HDAC8: variants seen among roughly 807,000 people sequenced by gnomAD.
HDAC8 encodes the protein histone deacetylase 8.
A neutral mutation model predicts 32.2 loss-of-function variants in HDAC8; 1 was observed. The ratio of observed to expected loss-of-function variants is 0.03; its 90% CI spans 0.01 to 0.15. HDAC8 has a LOEUF of 0.15. Ranked by LOEUF, HDAC8 falls within the 10% of genes least tolerant of loss-of-function variation. The pLI, the probability that HDAC8 is intolerant of heterozygous loss-of-function variation, is 1.00. For synonymous variants in HDAC8, 108 were observed against 113.9 expected, an observed-to-expected ratio of 0.95 and a Z score of 0.33; for missense variants, 117 against 300.0, an observed-to-expected ratio of 0.39 and a Z score of 4.51.
At chrX:72,461,037 TAGTTTA>T (rs1203705863) in intron 9 of HDAC8, among the ~76,000 whole-genome samples, 7 of 112,055 alleles carry the variant, frequency 6.2e-5, no homozygotes, top group Non-Finnish European at 1.3e-4. Flanking sequence ...GGAAGGAAAT[TAGTTTA>T]AGTTGTTTCT....
intron 4 of HDAC8, among the ~76,000 whole-genome samples, chrX:72,563,071 A>G (rs782154721): frequency 4.3e-4 from 47 of 109,217 alleles, no homozygotes; most frequent in African/African-American, 1.5e-3. Context: ...TAGTAGAGGC[A>G]AGGTTTCACC....
chrX:72,394,759 C>T (rs1245341654), intron 9 of HDAC8, among the ~76,000 whole-genome samples: 1 of 112,303 alleles, frequency 8.9e-6, no homozygotes, highest in Non-Finnish European at 1.9e-5. Flanking sequence ...TAGCAGTTTG[C>T]TCATGCTTTC....
chrX:72,458,347 T>C (rs1271786707), intron 9 of HDAC8, among the ~76,000 whole-genome samples: 1 of 112,671 alleles, frequency 8.9e-6, no homozygotes, highest in Non-Finnish European at 1.9e-5. Context: ...ACCGGTTTTA[T>C]ATTTTATGAG....
At chrX:72,481,175 C>T (rs1476361067) in intron 7 of HDAC8, among the ~76,000 whole-genome samples, 3 of 110,961 alleles carry the variant, frequency 2.7e-5, no homozygotes, top group East Asian at 2.8e-4. Flanking sequence ...CTTCACATGG[C>T]GGCAGGAGGA....
chrX:72,388,156 G>C (rs986986563), intron 9 of HDAC8, among the ~76,000 whole-genome samples: 2 of 110,876 alleles, frequency 1.8e-5, no homozygotes, highest in South Asian at 7.8e-4. Flanking sequence ...AATCTAGAAC[G>C]ATCTTGTGTT....
At chrX:72,375,055 C>T (rs1410913356) in intron 9 of HDAC8, among the ~76,000 whole-genome samples, 1 of 111,565 alleles carries the variant, frequency 9.0e-6, no homozygotes, top group Non-Finnish European at 1.9e-5. Context: ...AACTCCTGGG[C>T]TCAAGTGATC....
intron 9 of HDAC8, among the ~76,000 whole-genome samples, chrX:72,439,392 C>A (rs1430942034): frequency 1.8e-5 from 2 of 110,973 alleles, no homozygotes; most frequent in African/African-American, 6.6e-5. Context: ...ATACTATGAA[C>A]AAACTGCATC....
chrX:72,483,371 C>T (rs1331633383), intron 7 of HDAC8, among the ~76,000 whole-genome samples: 2 of 111,056 alleles, frequency 1.8e-5, no homozygotes, highest in Non-Finnish European at 3.8e-5. Context: ...TTAATTCTCA[C>T]TTTATGAGTT....
At chrX:72,337,567 C>A (rs1005054028) in intron 10 of HDAC8, among the ~76,000 whole-genome samples, 1 of 110,922 alleles carries the variant, frequency 9.0e-6, no homozygotes, top group African/African-American at 3.3e-5. Context: ...TTTTTTCCCT[C>A]CTTCACTGCT....
At chrX:72,395,678 G>C (rs2045742724) in intron 9 of HDAC8, among the ~76,000 whole-genome samples, 1 of 112,348 alleles carries the variant, frequency 8.9e-6, no homozygotes, top group Non-Finnish European at 1.9e-5. Context: ...AGAGAGACAG[G>C]AAGCACTGTA....
chrX:72,479,158 T>C lies in HDAC8; in HGVS notation c.737+9775A>G, dbSNP rs181722062. On this transcript the variant is annotated intron_variant, in intron 7 of 10. Transcript: ENST00000373573. ...CTCATCAGTCTCGGCAGCTGCTAGG[T>C]GTATGGCAATGTCAGGCACAGTCGT... Among the ~76,000 whole-genome samples the C allele has an allele frequency of 3.6e-5, 4 of 111,722 alleles. No individual in the cohort carries two copies. The Admixed American group carries it at 3.8e-4, about 11-fold the overall frequency.
chrX:72,380,334 T>C (rs2045233950), intron 9 of HDAC8, among the ~76,000 whole-genome samples: 1 of 111,928 alleles, frequency 8.9e-6, no homozygotes, highest in African/African-American at 3.2e-5. Flanking sequence ...GAATCATGCC[T>C]AATAAAAAAA....
In HDAC8 at chrX:72,567,711, T is replaced by G. The variant is rs2051847831; in HGVS notation, c.437+178A>C. On this transcript the variant is annotated intron_variant, in intron 4 of 10. Coordinates refer to ENST00000373573, the MANE Select transcript of HDAC8 (RefSeq NM_018486.3). Reference sequence around the variant, plus strand: ...GGTGTCCTGACTTTGAGCAGTGTGCTTTCCACTATATTAGGTAATCTTTTT... The same window carrying G: ...GGTGTCCTGACTTTGAGCAGTGTGCGTTCCACTATATTAGGTAATCTTTTT... 5 of 1,206,241 alleles carry G rather than the reference T, an allele frequency of 4.1e-6. No individual in the cohort carries two copies. The East Asian group carries it at 1.5e-4, about 36-fold the overall frequency.
chrX:72,405,316 T>C (rs1208795658), intron 9 of HDAC8, among the ~76,000 whole-genome samples: 1 of 112,568 alleles, frequency 8.9e-6, no homozygotes, highest in African/African-American at 3.2e-5. Context: ...GATCTCTTCT[T>C]TTTTATAGCT....
At chrX:72,488,870 TG>T in intron 7 of HDAC8, 62 bp downstream of exon 7, 1 of 652,309 alleles carries the variant, frequency 1.5e-6, no homozygotes, top group Middle Eastern at 3.2e-4. Context: ...CATTGTGAGA[TG>T]GGGGCCATTT....
chrX:72,495,608 G>C (rs1016374606), intron 4 of HDAC8, among the ~76,000 whole-genome samples: 2 of 111,711 alleles, frequency 1.8e-5, no homozygotes, highest in South Asian at 3.8e-4. Context: ...GGGTCATCAT[G>C]AGGAACACTG....
intron 4 of HDAC8, among the ~76,000 whole-genome samples, chrX:72,541,433 C>T (rs2050705178): frequency 8.9e-6 from 1 of 112,158 alleles, no homozygotes. Flanking sequence ...TTGTGCAGGG[C>T]CTTGTAGGCC....
intron 9 of HDAC8, among the ~76,000 whole-genome samples, chrX:72,448,855 T>C (rs1340112486): frequency 6.2e-5 from 7 of 112,456 alleles, no homozygotes; most frequent in Admixed American, 3.8e-4. Context: ...ATTAGAGAAA[T>C]GCAAATCAAA....
chrX:72,340,238 C>T (rs182140573), intron 10 of HDAC8, among the ~76,000 whole-genome samples: 27 of 112,005 alleles, frequency 2.4e-4, no homozygotes, highest in African/African-American at 8.7e-4. Flanking sequence ...GGCTGCTTGC[C>T]TGCCAGCCAG....
Sources: allele counts gnomAD v4.1 joint callset (sites outside exome capture counted in the v4.1 genomes callset), GRCh38; gene constraint gnomAD v4.1.1; transcripts MANE v1.5; gene names NCBI Gene and HGNC (gene_info 2026-07-23, HGNC 2026-07-21).